EXOC2: variants seen among roughly 807,000 people sequenced by gnomAD.
EXOC2 encodes SEC5-like 1.
EXOC2 carries 70 observed loss-of-function variants against 131.8 expected under a neutral mutation model. That is an observed-to-expected ratio of 0.53 (90% confidence interval 0.44 to 0.65). EXOC2 has a LOEUF of 0.65. Among genes scored for constraint, EXOC2 ranks in the 30% least tolerant of loss-of-function variants. The probability of loss-of-function intolerance (pLI) is 0.00; values close to 1 mark genes in which losing one functional copy is unlikely to be tolerated. For synonymous variants in EXOC2, 411 were observed against 398.4 expected (o/e 1.03, Z -0.38); for missense variants, 923 against 1,108.6 (o/e 0.83, Z 2.38).
At chr6:531,742 A>G in intron 23 of EXOC2, among the ~76,000 whole-genome samples, 1 of 152,260 alleles carries the variant, frequency 6.6e-6, no homozygotes, top group South Asian at 2.1e-4. Flanking sequence ...ACACCCATGA[A>G]GAACCCGTGT....
At chr6:550,806 A>C (rs1269463487) in intron 21 of EXOC2, among the ~76,000 whole-genome samples, 2 of 152,210 alleles carry the variant, frequency 1.3e-5, no homozygotes, top group Non-Finnish European at 1.5e-5. Context: ...GTTCGCCTCA[A>C]AAACCTCAGC....
At position 564,055 on chromosome 6, in the gene EXOC2, G is replaced by A. The variant is rs1757835955; in HGVS notation, c.1767C>T (p.Ala589=). ...CACCTTCCGCCGTGTGCTGCAACGT[G>A]GCCATTACGCAACGTACTCGGAGAT... is the stretch of plus-strand genomic sequence containing the variant. ...ILDLRVRCVM[A]TLQHTAEEIK... is the part of the protein sequence containing the mutation. The change falls in exon 16 of 28, where the codon GCC becomes GCT. Residue 589 remains alanine (A), a synonymous_variant. Coordinates refer to ENST00000230449, the MANE Select transcript of EXOC2 (RefSeq NM_018303.6). 1 of 1,613,982 alleles carries A rather than the reference G, an allele frequency of 6.2e-7. No individual in the cohort carries two copies. The highest frequency in any genetic ancestry group is 1.3e-5 in the African/African-American group (1 of 74,904).
intron 17 of EXOC2, among the ~76,000 whole-genome samples, chr6:557,727 A>G (rs1055254422): frequency 6.6e-6 from 1 of 152,042 alleles, no homozygotes; most frequent in Non-Finnish European, 1.5e-5. Flanking sequence ...GAGAACATTG[A>G]TGCTGAGACG....
At chr6:504,986 G>C (rs1343317270) in intron 23 of EXOC2, among the ~76,000 whole-genome samples, 1 of 152,182 alleles carries the variant, frequency 6.6e-6, no homozygotes, top group Non-Finnish European at 1.5e-5. Flanking sequence ...ACAGCACACT[G>C]ATTTCTCTTT....
intron 23 of EXOC2, 59 bp from the exon 24 acceptor site, chr6:499,759 C>A: frequency 7.1e-7 from 1 of 1,404,356 alleles, no homozygotes; most frequent in Non-Finnish European, 1.0e-6. Context: ...CTCCCCTCCC[C>A]TGCTGGCAGG....
intron 5 of EXOC2, 42 bp from the exon 6 acceptor site, chr6:617,877 T>C: frequency 6.3e-7 from 1 of 1,591,992 alleles, no homozygotes; most frequent in South Asian, 1.1e-5. Flanking sequence ...ACTTCTAACA[T>C]GCAAGAAAGA....
chr6:657,826 T>C (rs1763208424), intron 1 of EXOC2, among the ~76,000 whole-genome samples: 1 of 152,090 alleles, frequency 6.6e-6, no homozygotes, highest in Non-Finnish European at 1.5e-5. Flanking sequence ...GCCCTTTGCA[T>C]CTTTTTACTG....
chr6:509,339 G>A (rs1764727012), intron 23 of EXOC2, among the ~76,000 whole-genome samples: 1 of 152,176 alleles, frequency 6.6e-6, no homozygotes. Context: ...GAATTGCTGA[G>A]TGCAAAGGTA....
chr6:557,544 G>A (rs1397130863), intron 17 of EXOC2, among the ~76,000 whole-genome samples: 1 of 151,414 alleles, frequency 6.6e-6, no homozygotes, highest in African/African-American at 2.4e-5. Flanking sequence ...CTTGAACCTA[G>A]GAGGCGGAGG....
In EXOC2 at chr6:562,694, C is replaced by A. The variant is rs552522778; in HGVS notation, c.1851+90G>T. On this transcript the variant is annotated intron_variant, in intron 17 of 27. Coordinates refer to ENST00000230449, the MANE Select transcript of EXOC2 (RefSeq NM_018303.6). Reference sequence around the variant, plus strand: ...CTTCTATTTCTATTTAGAGCTGCAACACATGGAGCACATGCTCCCTATTAA... The same window carrying A: ...CTTCTATTTCTATTTAGAGCTGCAAAACATGGAGCACATGCTCCCTATTAA... 14 of 787,178 alleles carry A rather than the reference C, an allele frequency of 1.8e-5. No homozygotes were observed. In the African/African-American group the frequency reaches 1.8e-4, roughly 10 times the overall value. 48.8% of individuals were successfully genotyped at this position (787,178 alleles called of 1,614,324 possible).
chr6:604,051 C>T (rs558195603), intron 7 of EXOC2, among the ~76,000 whole-genome samples: 2 of 152,260 alleles, frequency 1.3e-5, no homozygotes, highest in South Asian at 4.2e-4. Context: ...TGTTTTTACC[C>T]CCGTTTTATG....
intron 15 of EXOC2, 50 bp downstream of exon 15, chr6:564,495 G>T: frequency 6.2e-7 from 1 of 1,603,982 alleles, no homozygotes; most frequent in Non-Finnish European, 8.5e-7. Flanking sequence ...TTTCCAAAAA[G>T]TTAAAAAAAA....
Position 491,178 on chromosome 6 carries a change from A to G in EXOC2, c.2568T>C (p.Leu856=), listed in dbSNP as rs1174748146. ...CAGTGTCCCTCAAAGCACAGATTTCAAGTCTCGCCTGAAAATGAGAAAAAG... is the reference window on the plus strand; with the variant it reads ...CAGTGTCCCTCAAAGCACAGATTTCGAGTCTCGCCTGAAAATGAGAAAAAG... ...FSKNGALQAR[L]EICALRDTVA... The change falls in exon 26 of 28, where the codon CTT becomes CTC. Residue 856 remains leucine, a synonymous_variant. Coordinates refer to ENST00000230449, the MANE Select transcript of EXOC2 (RefSeq NM_018303.6). 6.2e-7 allele frequency: 1 copy of G among 1,614,140 alleles called. No individual in the cohort carries two copies.
chr6:529,120 C>CG lies in EXOC2; in HGVS notation c.2380+3348_2380+3349insC, dbSNP rs376365380. 6.7e-5 allele frequency among the ~76,000 whole-genome samples: 10 copies of CG among 148,672 alleles called. 1 individual carries two copies. The South Asian group carries it at 1.8e-3, about 27-fold the overall frequency. On this transcript the variant is annotated intron_variant, in intron 23 of 27. Transcript: ENST00000230449. ...GCCCGGCATCGCCTGCCTTTTACCC[C>CG]CCCCCGCGCCCTGGTTACTGCTCAC...
At chr6:489,141 G>A (rs1763271786) in intron 26 of EXOC2, 103 bp from the exon 27 acceptor site, 3 of 1,057,948 alleles carry the variant, frequency 2.8e-6, no homozygotes, top group Non-Finnish European at 4.1e-6. Flanking sequence ...AAAAGCCAGT[G>A]AAGCAAGGAA....
chr6:489,051 C>T lies in EXOC2; in HGVS notation c.2622-13G>A. ...CTTAAAACTTGACCTGAAACACAAA[C>T]AGCCACACTGAAGTTGAAGCCTTGC... On this transcript the variant is annotated splice_polypyrimidine_tract_variant and intron_variant, in intron 26 of 27. Transcript: ENST00000230449. 6.2e-7 allele frequency: 1 copy of T among 1,613,726 alleles called. No individual in the cohort carries two copies. Among genetic ancestry groups the T allele is most frequent in the Non-Finnish European group, 8.5e-7 (1 of 1,179,774 alleles).
At chr6:582,999 G>T (rs893043418) in intron 11 of EXOC2, among the ~76,000 whole-genome samples, 4 of 152,108 alleles carry the variant, frequency 2.6e-5, no homozygotes, top group Non-Finnish European at 4.4e-5. Flanking sequence ...CTTTGAAGAA[G>T]CATTTATTAG....
chr6:620,395 G>T (rs966855298), intron 4 of EXOC2, among the ~76,000 whole-genome samples: 2 of 152,172 alleles, frequency 1.3e-5, no homozygotes, highest in East Asian at 3.8e-4. Context: ...GCCTCAAAGG[G>T]ACTATACTGT....
intron 24 of EXOC2, among the ~76,000 whole-genome samples, chr6:499,389 A>G (rs896564676): frequency 2.0e-4 from 31 of 151,950 alleles, no homozygotes; most frequent in African/African-American, 7.3e-4. Context: ...AGCTGGAATT[A>G]TCAAAGAAAA....
Sources: allele counts gnomAD v4.1 joint callset (sites outside exome capture counted in the v4.1 genomes callset), GRCh38; gene constraint gnomAD v4.1.1; transcripts MANE v1.5; gene names NCBI Gene and HGNC (gene_info 2026-07-23, HGNC 2026-07-21).